SERINC5: variants seen among roughly 807,000 people sequenced by gnomAD.
The protein encoded by SERINC5 is chromosome 5 open reading frame 12.
In SERINC5, 41 loss-of-function variants were observed where a neutral mutation model predicts 63.1. The ratio of observed to expected loss-of-function variants is 0.65; its 90% CI spans 0.51 to 0.84. SERINC5 has a LOEUF of 0.84. Among genes scored for constraint, SERINC5 ranks in the 40% least tolerant of loss-of-function variants. The probability of loss-of-function intolerance (pLI) is 0.00; values close to 1 mark genes in which losing one functional copy is unlikely to be tolerated. For missense variants in SERINC5, 523 were observed against 573.0 expected, an observed-to-expected ratio of 0.91 and a Z score of 0.89; for synonymous variants, 222 against 215.2, an observed-to-expected ratio of 1.03 and a Z score of -0.28.
At chr5:80,225,409 A>G (rs1751124507) in intron 1 of SERINC5, among the ~76,000 whole-genome samples, 1 of 152,230 alleles carries the variant, frequency 6.6e-6, no homozygotes, top group African/African-American at 2.4e-5. Flanking sequence ...ATGTTTAATG[A>G]TTGGTGTAAC....
At chr5:80,219,836 C>G (rs1342819927) in intron 1 of SERINC5, among the ~76,000 whole-genome samples, 1 of 151,454 alleles carries the variant, frequency 6.6e-6, no homozygotes, top group Non-Finnish European at 1.5e-5. Context: ...TACATCACCA[C>G]CCGCCAACCT....
At chr5:80,135,620 G>A (rs1745138456), downstream of SERINC5, among the ~76,000 whole-genome samples, 2 of 152,106 alleles carry the variant, frequency 1.3e-5, no homozygotes, top group Non-Finnish European at 2.9e-5. Flanking sequence ...CAGTGCTTCT[G>A]ATAGGTCAAG....
chr5:80,182,551 CCCCCT>C (rs1255828256), intron 2 of SERINC5, among the ~76,000 whole-genome samples: 29 of 49,664 alleles, frequency 5.8e-4, no homozygotes, highest in African/African-American at 2.8e-3. Flanking sequence ...ACCGCCCCCC[CCCCCT>C]CCGCTTTTTT....
rs182991207 is a variant in SERINC5 at position 80,182,519 on chromosome 5, T to C, written c.196-4455A>G. On this transcript the variant is annotated intron_variant, in intron 2 of 11. Coordinates refer to ENST00000507668, the MANE Select transcript of SERINC5 (RefSeq NM_001174072.3). ...CCCTATTCCTCTCTGTAGCTCAACA[T>C]GCCATAAGCTTCTATCATCTGACCG... Among the ~76,000 whole-genome samples, 757 of 146,490 alleles carry C rather than the reference T, an allele frequency of 5.2e-3. 7 individuals are homozygous for C. Among genetic ancestry groups the C allele is most frequent in the Non-Finnish European group, 8.7e-3 (590 of 67,488 alleles).
At chr5:80,237,858 CT>C (rs1751768209) in intron 1 of SERINC5, among the ~76,000 whole-genome samples, 1 of 151,880 alleles carries the variant, frequency 6.6e-6, no homozygotes, top group Admixed American at 6.6e-5. Flanking sequence ...AATCCCAGCA[CT>C]TTGGGGAGGC....
At chr5:80,176,907 G>A (rs1197236666) in intron 4 of SERINC5, among the ~76,000 whole-genome samples, 1 of 152,190 alleles carries the variant, frequency 6.6e-6, no homozygotes, top group Non-Finnish European at 1.5e-5. Flanking sequence ...TAACAATAAA[G>A]AATATAATTC....
chr5:80,195,087 G>A (rs558668197), intron 2 of SERINC5, among the ~76,000 whole-genome samples: 40 of 152,202 alleles, frequency 2.6e-4, no homozygotes, highest in African/African-American at 9.2e-4. Flanking sequence ...AGGAGTTCGA[G>A]ACCAGCCTGA....
intron 5 of SERINC5, among the ~76,000 whole-genome samples, chr5:80,170,701 C>A (rs548827205): frequency 6.6e-6 from 1 of 152,300 alleles, no homozygotes; most frequent in Non-Finnish European, 1.5e-5. Context: ...AAACACAGAG[C>A]CCCGAAGCGC....
intron 5 of SERINC5, among the ~76,000 whole-genome samples, chr5:80,170,687 C>G (rs1015645801): frequency 6.6e-6 from 1 of 152,182 alleles, no homozygotes; most frequent in African/African-American, 2.4e-5. Flanking sequence ...CAAGTTTTCT[C>G]CATAAACACA....
intron 1 of SERINC5, among the ~76,000 whole-genome samples, chr5:80,244,034 G>A (rs1561452725): frequency 6.6e-6 from 1 of 152,034 alleles, no homozygotes; most frequent in Non-Finnish European, 1.5e-5. Context: ...GCAATTTGGG[G>A]GCAGGAAGCT....
rs567449596 is a variant in SERINC5, at chr5:80,177,939, T to A, written c.321A>T (p.Leu107=). 2.5e-6 allele frequency: 4 copies of A among 1,612,204 alleles called. No individual in the cohort carries two copies. In the East Asian group the frequency reaches 8.9e-5, roughly 36 times the overall value. The change falls in exon 3 of 12, where the codon CTA becomes CTT. Residue 107 remains leucine, a synonymous_variant. Transcript: ENST00000507668. ...TGCTGTTGTTGATTTTCAAGGTCAG[T>A]AGACAGAAGATAAAGAAGAAACAAG... ...GMACFFFIFC[L]LTLKINNSKS...
At position 80,141,283 on chromosome 5, in the gene SERINC5, A is replaced by AC. The variant is rs1329573467; in HGVS notation, c.*2379dup. ...GAACGGGATGTCACAAACCAGACTC[A>AC]CGCATCTGGAAAACGTTGTGTGGCT... On this transcript the variant is annotated 3_prime_UTR_variant, in exon 12 of 12. Coordinates refer to ENST00000507668, the MANE Select transcript of SERINC5 (RefSeq NM_001174072.3). 23 of 985,310 alleles carry AC rather than the reference A, an allele frequency of 2.3e-5. No homozygotes were observed. Among genetic ancestry groups the AC allele is most frequent in the Admixed American group, 6.1e-5 (1 of 16,266 alleles). 61.0% of individuals were successfully genotyped at this position (985,310 alleles called of 1,614,324 possible).
chr5:80,173,872 C>T (rs1249327265), intron 5 of SERINC5, among the ~76,000 whole-genome samples: 2 of 152,050 alleles, frequency 1.3e-5, no homozygotes, highest in Non-Finnish European at 2.9e-5. Flanking sequence ...TCTCCCATCC[C>T]ACTAAAAATC....
At chr5:80,160,956 ATGTG>A (rs375703320) in intron 7 of SERINC5, among the ~76,000 whole-genome samples, 3 of 125,696 alleles carry the variant, frequency 2.4e-5, no homozygotes, top group East Asian at 2.2e-4. Context: ...GTATATATAT[ATGTG>A]TGTGTATATA....
chr5:80,229,996 C>T (rs1452633032), intron 1 of SERINC5, among the ~76,000 whole-genome samples: 2 of 152,182 alleles, frequency 1.3e-5, no homozygotes, highest in East Asian at 3.9e-4. Context: ...CTCCAAAGCA[C>T]TAGCATCTCA....
intron 1 of SERINC5, 132 bp from the exon 2 acceptor site, chr5:80,203,185 C>T (rs1010706142): frequency 7.2e-6 from 6 of 830,702 alleles, no homozygotes; most frequent in Middle Eastern, 2.2e-4. Flanking sequence ...AGACTAGGAT[C>T]GCTTGAGACC....
chr5:80,158,763 G>C, intron 8 of SERINC5, 73 bp downstream of exon 8: 5 of 1,489,218 alleles, frequency 3.4e-6, no homozygotes, highest in Non-Finnish European at 4.6e-6. Flanking sequence ...CACAGCTACT[G>C]AAAGTTATTT....
At chr5:80,148,179 A>ATTT (rs1561368204) in intron 9 of SERINC5, among the ~76,000 whole-genome samples, 3 of 117,220 alleles carry the variant, frequency 2.6e-5, no homozygotes, top group South Asian at 2.8e-4. Context: ...TACCTTGCGT[A>ATTT]TTTTTTATTC....
At chr5:80,210,900 C>A (rs1487269344) in intron 1 of SERINC5, among the ~76,000 whole-genome samples, 1 of 152,140 alleles carries the variant, frequency 6.6e-6, no homozygotes, top group Non-Finnish European at 1.5e-5. Flanking sequence ...GGATGGGCAG[C>A]GGCTGCCTGA....
Sources: allele counts gnomAD v4.1 joint callset (sites outside exome capture counted in the v4.1 genomes callset), GRCh38; gene constraint gnomAD v4.1.1; transcripts MANE v1.5; gene names NCBI Gene and HGNC (gene_info 2026-07-23, HGNC 2026-07-21).